Variants in SGCZ observed in about 807,000 individuals in gnomAD.
SGCZ encodes the protein sarcoglycan zeta.
A neutral mutation model predicts 41.3 loss-of-function variants in SGCZ; 40 were observed. The ratio of observed to expected loss-of-function variants is 0.97; its 90% CI spans 0.75 to 1.26. SGCZ has a LOEUF of 1.26. SGCZ is among the 50% of genes most tolerant of loss of function. The pLI is 0.00. For missense variants in SGCZ, 552 were observed against 369.8 expected (o/e 1.49, Z -4.04); for synonymous variants, 206 against 137.5 (o/e 1.50, Z -3.49).
chr8:14,261,334 G>C (rs938491499), intron 3 of SGCZ, among the ~76,000 whole-genome samples: 1 of 151,992 alleles, frequency 6.6e-6, no homozygotes, highest in Non-Finnish European at 1.5e-5. Flanking sequence ...AAAGAAAAGG[G>C]CTCCTTTCTA....
chr8:14,697,197 C>T (rs559567899), intron 1 of SGCZ, among the ~76,000 whole-genome samples: 3 of 152,032 alleles, frequency 2.0e-5, no homozygotes, highest in Admixed American at 2.0e-4. Context: ...GTGGCCAGGT[C>T]ACTATAGAAT....
chr8:15,196,376 C>G (rs1800732198), intron 1 of SGCZ, among the ~76,000 whole-genome samples: 1 of 152,126 alleles, frequency 6.6e-6, no homozygotes, highest in Non-Finnish European at 1.5e-5. Context: ...AATGAAAACA[C>G]CCCAGTGAAA....
chr8:14,401,196 T>A (rs1269586483), intron 2 of SGCZ, among the ~76,000 whole-genome samples: 1 of 152,190 alleles, frequency 6.6e-6, no homozygotes, highest in East Asian at 1.9e-4. Context: ...TACCTTTCTT[T>A]GCATTATGCA....
chr8:14,738,036 G>C (rs1395344307), intron 1 of SGCZ, among the ~76,000 whole-genome samples: 1 of 152,000 alleles, frequency 6.6e-6, no homozygotes, highest in Non-Finnish European at 1.5e-5. Context: ...GAGGTAGAAA[G>C]CTCTCACATA....
At chr8:14,930,292 T>C (rs1160567309) in intron 1 of SGCZ, among the ~76,000 whole-genome samples, 1 of 151,978 alleles carries the variant, frequency 6.6e-6, no homozygotes, top group Admixed American at 6.5e-5. Context: ...TGAGATACTA[T>C]CTCATGCCAG....
In SGCZ at chr8:15,227,464, T is replaced by C. The variant is rs78054715; in HGVS notation, c.39+10121A>G. On this transcript the variant is annotated intron_variant, in intron 1 of 7. Transcript: ENST00000382080. ...TAATACCACAATGAATCACACGTCT[T>C]ATAATGTAAACTTTAGACATTAGAT... is the stretch of plus-strand genomic sequence containing the variant. Among the ~76,000 whole-genome samples, 388 of 152,310 alleles carry C rather than the reference T, an allele frequency of 2.5e-3. 15 individuals carry two copies. In the East Asian group the frequency reaches 0.066, roughly 26 times the overall value.
chr8:15,167,891 G>T (rs777817246), intron 1 of SGCZ, among the ~76,000 whole-genome samples: 45 of 152,148 alleles, frequency 3.0e-4, no homozygotes, highest in Non-Finnish European at 3.5e-4. Flanking sequence ...TTCTAGTTCT[G>T]ACCAATGATC....
At chr8:14,401,188 CCTTT>C (rs980287440) in intron 2 of SGCZ, among the ~76,000 whole-genome samples, 23 of 152,122 alleles carry the variant, frequency 1.5e-4, no homozygotes, top group Non-Finnish European at 2.4e-4. Flanking sequence ...CAATTTCTTA[CCTTT>C]CTTTGCATTA....
intron 4 of SGCZ, among the ~76,000 whole-genome samples, chr8:14,210,593 G>C (rs1269691577): frequency 6.6e-6 from 1 of 151,786 alleles, no homozygotes; most frequent in Non-Finnish European, 1.5e-5. Flanking sequence ...CTCCTGAGTA[G>C]CTGGGATGAC....
At chr8:14,098,039 A>AAGAT (rs1017108477) in intron 7 of SGCZ, among the ~76,000 whole-genome samples, 32 of 152,276 alleles carry the variant, frequency 2.1e-4, no homozygotes, top group Admixed American at 9.2e-4. Context: ...ATCCTCCTCA[A>AAGAT]AGATAGAATC....
At chr8:14,705,684 G>T (rs912663926) in intron 1 of SGCZ, among the ~76,000 whole-genome samples, 4 of 152,024 alleles carry the variant, frequency 2.6e-5, no homozygotes, top group Admixed American at 6.6e-5. Context: ...GATGTCTTCA[G>T]ATTACTTGCA....
At chr8:14,169,007 G>A (rs10095643) in intron 4 of SGCZ, among the ~76,000 whole-genome samples, 14,090 of 152,164 alleles carry the variant, frequency 0.093, 780 homozygotes, top group African/African-American at 0.15. Flanking sequence ...TTTAAGAAAT[G>A]TTCCTAATAT....
At chr8:14,735,754 T>C (rs1369978287) in intron 1 of SGCZ, among the ~76,000 whole-genome samples, 1 of 152,136 alleles carries the variant, frequency 6.6e-6, no homozygotes, top group Non-Finnish European at 1.5e-5. Flanking sequence ...GACTGATACA[T>C]ACCTACTAAT....
chr8:14,642,129 C>T (rs947456856), intron 1 of SGCZ, among the ~76,000 whole-genome samples: 2 of 151,626 alleles, frequency 1.3e-5, no homozygotes, highest in African/African-American at 2.4e-5. Flanking sequence ...CACAGCCATA[C>T]AGGCCAGTTA....
chr8:14,166,337 A>G (rs932302210), intron 4 of SGCZ, among the ~76,000 whole-genome samples: 1 of 152,156 alleles, frequency 6.6e-6, no homozygotes, highest in Non-Finnish European at 1.5e-5. Context: ...TTATTTCGAC[A>G]GCTTGTATTC....
chr8:15,083,349 G>A (rs537593336), intron 1 of SGCZ, among the ~76,000 whole-genome samples: 69 of 152,184 alleles, frequency 4.5e-4, no homozygotes, highest in African/African-American at 1.6e-3. Flanking sequence ...CGGTATCACC[G>A]ATTTCAACAC....
intron 2 of SGCZ, among the ~76,000 whole-genome samples, chr8:14,518,180 A>G (rs993898000): frequency 3.9e-5 from 6 of 152,130 alleles, no homozygotes; most frequent in African/African-American, 1.2e-4. Context: ...TTAATAAAAT[A>G]CTTCGTAAGG....
chr8:15,038,310 C>T (rs35586561), intron 1 of SGCZ, among the ~76,000 whole-genome samples: 24,530 of 151,930 alleles, frequency 0.16, 2,729 homozygotes, highest in Non-Finnish European at 0.24. Flanking sequence ...TGCCTACTTA[C>T]GGTCAATTGA....
chr8:14,942,474 A>G (rs1336081790), intron 1 of SGCZ, among the ~76,000 whole-genome samples: 2 of 152,138 alleles, frequency 1.3e-5, no homozygotes, highest in African/African-American at 4.8e-5. Context: ...CTATAGGATG[A>G]TATAAATTGG....
Sources: gnomAD v4.1 joint callset for allele counts (sites outside exome capture counted in the v4.1 genomes callset) on GRCh38, gnomAD v4.1.1 for gene constraint, MANE v1.5 for transcripts, NCBI Gene and HGNC (gene_info 2026-07-23, HGNC 2026-07-21) for gene names.